ADAMTS19: variants seen among roughly 807,000 people sequenced by gnomAD.
The protein encoded by ADAMTS19 is A disintegrin and metalloproteinase with thrombospondin motifs 19.
In ADAMTS19, 93 loss-of-function variants were observed where a neutral mutation model predicts 153.3. The observed-to-expected ratio is 0.61, with a 90% CI of 0.51 to 0.72. The LOEUF is 0.72. ADAMTS19 is among the 30% of genes least tolerant of loss of function. The pLI, the probability that ADAMTS19 is intolerant of heterozygous loss-of-function variation, is 0.00. For missense variants in ADAMTS19, 1,482 were observed against 1,552.1 expected (o/e 0.95, Z 0.76); for synonymous variants, 600 against 556.6 (o/e 1.08, Z -1.10).
intron 7 of ADAMTS19, among the ~76,000 whole-genome samples, chr5:129,555,290 T>C (rs1266791060): frequency 6.6e-6 from 1 of 152,146 alleles, no homozygotes; most frequent in Admixed American, 6.6e-5. Context: ...ATGTGAGTTA[T>C]AAATGGAGAG....
chr5:129,460,476 G>A lies in ADAMTS19; in HGVS notation c.85G>A (p.Val29Ile), dbSNP rs773904041. 6 of 1,614,000 alleles carry A rather than the reference G, an allele frequency of 3.7e-6. No individual in the cohort carries two copies. Among genetic ancestry groups the A allele is most frequent in the South Asian group, 1.1e-5 (1 of 91,086 alleles). ...YQLGFLSNGIVSELQFAPDRE... is the reference protein window; with the variant it reads ...YQLGFLSNGIISELQFAPDRE... ...GCTGGGGTTCCTGTCGAATGGGATC[G>A]TTTCAGGTAAGTTCTTCCGTGACTT... The change falls in exon 1 of 23, where the codon GTT (valine) becomes ATT (isoleucine). Residue 29 changes from valine (V) to isoleucine (I), a missense_variant. Val to Ile is a conservative substitution (Grantham distance 29, BLOSUM62 3). Transcript: ENST00000274487.
chr5:129,483,848 ATGCC>A (rs748909382), intron 2 of ADAMTS19, among the ~76,000 whole-genome samples: 16 of 152,176 alleles, frequency 1.1e-4, no homozygotes, highest in Non-Finnish European at 2.1e-4. Flanking sequence ...AGATCTTTGC[ATGCC>A]TGTGTGAGCA....
intron 21 of ADAMTS19, among the ~76,000 whole-genome samples, chr5:129,722,980 T>C (rs780712351): frequency 7.2e-5 from 11 of 152,240 alleles, no homozygotes; most frequent in Non-Finnish European, 4.4e-5. Context: ...CGTGTGTTTT[T>C]ATTTCCTACA....
chr5:129,561,744 T>C (rs1561572287), intron 7 of ADAMTS19, among the ~76,000 whole-genome samples: 2 of 152,102 alleles, frequency 1.3e-5, no homozygotes, highest in Admixed American at 1.3e-4. Flanking sequence ...CTTTTTAGTA[T>C]CAATTATCTA....
intron 8 of ADAMTS19, among the ~76,000 whole-genome samples, chr5:129,602,253 C>T (rs538035049): frequency 3.4e-4 from 51 of 152,218 alleles, no homozygotes; most frequent in East Asian, 3.9e-4. Flanking sequence ...CCACCACACC[C>T]GGCTAATTTT....
intron 7 of ADAMTS19, among the ~76,000 whole-genome samples, chr5:129,566,590 C>T (rs1057265212): frequency 6.6e-6 from 1 of 152,164 alleles, no homozygotes; most frequent in African/African-American, 2.4e-5. Context: ...TTCAACACAG[C>T]CCACACTTGT....
chr5:129,516,200 A>C (rs1157943178), intron 3 of ADAMTS19, among the ~76,000 whole-genome samples: 1 of 150,402 alleles, frequency 6.6e-6, no homozygotes, highest in African/African-American at 2.4e-5. Context: ...TATTTTGTTG[A>C]GGATTTTTGC....
chr5:129,727,839 T>A (rs1757270496), intron 21 of ADAMTS19, among the ~76,000 whole-genome samples: 2 of 152,162 alleles, frequency 1.3e-5, no homozygotes, highest in African/African-American at 4.8e-5. Flanking sequence ...AGTAGTACTG[T>A]CAGAGGCTTT....
At chr5:129,575,001 A>G (rs1754050650) in intron 7 of ADAMTS19, among the ~76,000 whole-genome samples, 1 of 152,052 alleles carries the variant, frequency 6.6e-6, no homozygotes, top group Non-Finnish European at 1.5e-5. Flanking sequence ...GTCAAAAACT[A>G]TATTAAACTT....
intron 7 of ADAMTS19, among the ~76,000 whole-genome samples, chr5:129,569,680 T>C (rs1753830277): frequency 6.6e-6 from 1 of 152,078 alleles, no homozygotes; most frequent in Non-Finnish European, 1.5e-5. Flanking sequence ...CAGGAAAATG[T>C]TCTCTAAATG....
intron 2 of ADAMTS19, among the ~76,000 whole-genome samples, chr5:129,477,023 C>CT (rs1263115394): frequency 2.0e-5 from 3 of 152,044 alleles, no homozygotes; most frequent in Non-Finnish European, 4.4e-5. Flanking sequence ...ATATTTAAGT[C>CT]TTTTGCTTTA....
intron 6 of ADAMTS19, among the ~76,000 whole-genome samples, chr5:129,541,756 A>G (rs1375674223): frequency 9.9e-5 from 15 of 152,042 alleles, no homozygotes; most frequent in Non-Finnish European, 1.5e-5. Context: ...AGAGACGCTT[A>G]ATGTATCCCA....
chr5:129,651,276 T>C (rs920668906), intron 13 of ADAMTS19, among the ~76,000 whole-genome samples: 2 of 152,232 alleles, frequency 1.3e-5, no homozygotes, highest in East Asian at 1.9e-4. Context: ...ATATATCTAA[T>C]TGGATATCTG....
At chr5:129,486,486 T>C (rs1750595595) in intron 2 of ADAMTS19, among the ~76,000 whole-genome samples, 1 of 152,020 alleles carries the variant, frequency 6.6e-6, no homozygotes, top group South Asian at 2.1e-4. Context: ...AAAAGAAAAA[T>C]TATAACAGTG....
At chr5:129,686,241 G>C (rs185778190) in intron 18 of ADAMTS19, among the ~76,000 whole-genome samples, 72 of 152,228 alleles carry the variant, frequency 4.7e-4, no homozygotes, top group African/African-American at 9.9e-4. Flanking sequence ...AGAGGAGTAA[G>C]TGCTTGACCT....
intron 8 of ADAMTS19, among the ~76,000 whole-genome samples, chr5:129,602,712 TTTAA>T (rs1189040370): frequency 6.6e-6 from 1 of 152,202 alleles, no homozygotes; most frequent in Non-Finnish European, 1.5e-5. Flanking sequence ...TGTAGATTTT[TTTAA>T]TTGTCAAATT....
chr5:129,524,622 A>C (rs1206848089), intron 3 of ADAMTS19, among the ~76,000 whole-genome samples: 1 of 148,744 alleles, frequency 6.7e-6, no homozygotes, highest in Non-Finnish European at 1.5e-5. Flanking sequence ...AAAAAAAAAA[A>C]CATCAAAAAG....
At chr5:129,609,839 G>T (rs1751109024) in intron 8 of ADAMTS19, among the ~76,000 whole-genome samples, 1 of 152,124 alleles carries the variant, frequency 6.6e-6, no homozygotes. Flanking sequence ...GCAAATGCAT[G>T]TCCTAGAGTA....
At chr5:129,713,185 C>T (rs1333712215) in intron 21 of ADAMTS19, among the ~76,000 whole-genome samples, 1 of 152,092 alleles carries the variant, frequency 6.6e-6, no homozygotes, top group Non-Finnish European at 1.5e-5. Flanking sequence ...TGATGTTGAA[C>T]CTCAAAAGGA....
Sources: allele counts gnomAD v4.1 joint callset (sites outside exome capture counted in the v4.1 genomes callset), GRCh38; gene constraint gnomAD v4.1.1; transcripts MANE v1.5; gene names NCBI Gene and HGNC (gene_info 2026-07-23, HGNC 2026-07-21).